The following MSN variants were observed in gnomAD, a reference collection of about 807,000 sequenced individuals.
MSN encodes the protein epididymis luminal protein 70.
In MSN, 2 loss-of-function variants were observed where a neutral mutation model predicts 48.0. The observed-to-expected ratio is 0.04, with a 90% CI of 0.02 to 0.13. MSN has a LOEUF of 0.13. Ranked by LOEUF, MSN falls within the 10% of genes least tolerant of loss-of-function variation. The pLI is 1.00. For missense variants in MSN, 267 were observed against 470.1 expected (o/e 0.57, Z 3.99); for synonymous variants, 146 against 166.9 (o/e 0.87, Z 0.97).
chrX:65,729,774 A>G, intron 4 of MSN, 62 bp downstream of exon 4: 1 of 1,111,232 alleles, frequency 9.0e-7, no homozygotes, highest in Non-Finnish European at 1.2e-6. Flanking sequence ...ACAGCTGACC[A>G]ATCCCTGCCT....
chrX:65,597,263 GGT>G (rs1199269577), intron 1 of MSN, among the ~76,000 whole-genome samples: 1 of 106,341 alleles, frequency 9.4e-6, no homozygotes, highest in Non-Finnish European at 1.9e-5. Flanking sequence ...TGCCCAGCCT[GGT>G]CTCAAACTCC....
At position 65,673,967 on chromosome X, in the gene MSN, G is replaced by C. The variant is rs192165621; in HGVS notation, c.12+6114G>C. 1.3e-3 allele frequency among the ~76,000 whole-genome samples: 140 copies of C among 111,458 alleles called. 1 individual carries two copies. Among genetic ancestry groups the C allele is most frequent in the African/African-American group, 4.3e-3 (131 of 30,635 alleles). On this transcript the variant is annotated intron_variant, in intron 1 of 12. Coordinates refer to ENST00000360270, the MANE Select transcript of MSN (RefSeq NM_002444.3). ...CTCAGTGTCTTCTCCCTCTGTGCTGGTGGTGACATGACCGTGGAGTTATGG... is the reference window on the plus strand; with the variant it reads ...CTCAGTGTCTTCTCCCTCTGTGCTGCTGGTGACATGACCGTGGAGTTATGG...
chrX:65,601,453 C>T (rs1334644747), intron 1 of MSN, among the ~76,000 whole-genome samples: 1 of 112,566 alleles, frequency 8.9e-6, no homozygotes, highest in Non-Finnish European at 1.9e-5. Context: ...AGTAGAATAA[C>T]TTTTCCGGTT....
chrX:65,603,934 A>T (rs1300904024), intron 1 of MSN, among the ~76,000 whole-genome samples: 3 of 112,291 alleles, frequency 2.7e-5, no homozygotes, highest in African/African-American at 6.5e-5. Context: ...TATTTGAGAG[A>T]TCATTGTTAT....
At chrX:65,621,096 T>TTTTTTTTTTTTGAGACGG (rs2070439671) in intron 1 of MSN, among the ~76,000 whole-genome samples, 1 of 110,351 alleles carries the variant, frequency 9.1e-6, no homozygotes, top group African/African-American at 3.3e-5. Context: ...TTTGTATTTT[T>TTTTTTTTTTTTGAGACGG]AGTAGAGATG....
chrX:65,711,249 T>C (rs754625069), intron 1 of MSN, among the ~76,000 whole-genome samples: 91 of 111,492 alleles, frequency 8.2e-4, no homozygotes, highest in African/African-American at 2.9e-3. Flanking sequence ...TTAGTAGAGG[T>C]GGGGTTTCAC....
chrX:65,619,784 CT>C (rs1405415918), intron 1 of MSN, among the ~76,000 whole-genome samples: 1 of 109,352 alleles, frequency 9.1e-6, no homozygotes, highest in Non-Finnish European at 1.9e-5. Context: ...GAGAGGTGCT[CT>C]GCTTTTTAGA....
Position 65,716,889 on chromosome X carries a change from G to A in MSN, c.84G>A (p.Gln28=). ...TCCAGCCCAACACCACCGGGAAGCA[G>A]CTATTTGACCAGGTAAGGCGGAGAC... The part of the protein sequence containing the change: ...FAIQPNTTGK[Q]LFDQVVKTIG... The change falls in exon 2 of 13, where the codon CAG becomes CAA. Residue 28 remains glutamine, a synonymous_variant. Transcript: ENST00000360270. 1.7e-6 allele frequency: 2 copies of A among 1,210,222 alleles called. No homozygotes were observed. Among genetic ancestry groups the A allele is most frequent in the South Asian group, 3.5e-5 (2 of 56,870 alleles).
At chrX:65,720,214 GGTCATGTA>G (rs780038918) in intron 2 of MSN, among the ~76,000 whole-genome samples, 6 of 112,165 alleles carry the variant, frequency 5.3e-5, no homozygotes, top group Non-Finnish European at 1.1e-4. Flanking sequence ...ACATACTCTA[GGTCATGTA>G]GTTAGTAAGT....
At chrX:65,684,443 CTTT>C (rs1300988514) in intron 1 of MSN, among the ~76,000 whole-genome samples, 1 of 100,245 alleles carries the variant, frequency 1.0e-5, no homozygotes. Flanking sequence ...TCTTTTTTTT[CTTT>C]TTTTTTTTTG....
chrX:65,697,297 G>A (rs1047367261), intron 1 of MSN, among the ~76,000 whole-genome samples: 1 of 111,728 alleles, frequency 9.0e-6, no homozygotes, highest in African/African-American at 3.3e-5. Context: ...GGTCTGCACA[G>A]TAGTGAGGCA....
intron 1 of MSN, among the ~76,000 whole-genome samples, chrX:65,704,189 G>A (rs371118365): frequency 8.9e-6 from 1 of 112,170 alleles, no homozygotes; most frequent in East Asian, 2.8e-4. Context: ...GGAAAGTGAC[G>A]CTAAAGAGTG....
chrX:65,658,756 G>C (rs1296437472), intron 1 of MSN, among the ~76,000 whole-genome samples: 2 of 111,900 alleles, frequency 1.8e-5, no homozygotes, highest in African/African-American at 6.5e-5. Flanking sequence ...ATGATTAAAA[G>C]TCCAATTTCA....
intron 1 of MSN, among the ~76,000 whole-genome samples, chrX:65,678,064 C>T (rs1378660229): frequency 1.8e-5 from 2 of 111,059 alleles, no homozygotes; most frequent in East Asian, 2.8e-4. Flanking sequence ...CAGAGGAAAC[C>T]GATGACTAAA....
chrX:65,652,896 G>A (rs2070752755), intron 1 of MSN, among the ~76,000 whole-genome samples: 1 of 111,678 alleles, frequency 9.0e-6, no homozygotes, highest in African/African-American at 3.3e-5. Flanking sequence ...TGAGGATATG[G>A]GAGAGGTGGA....
chrX:65,608,888 G>T (rs189855769), intron 1 of MSN, among the ~76,000 whole-genome samples: 1 of 110,260 alleles, frequency 9.1e-6, no homozygotes, highest in African/African-American at 3.3e-5. Flanking sequence ...CTCAAGAAAT[G>T]GTTACTACCA....
chrX:65,646,137 A>G (rs1013105251), intron 1 of MSN, among the ~76,000 whole-genome samples: 1 of 112,165 alleles, frequency 8.9e-6, no homozygotes, highest in East Asian at 2.8e-4. Context: ...TAACTGAAGC[A>G]TGAGTATATC....
chrX:65,733,413 G>T, intron 7 of MSN, 133 bp downstream of exon 7: 3 of 502,608 alleles, frequency 6.0e-6, no homozygotes, highest in Non-Finnish European at 1.0e-5. Flanking sequence ...TGCACGAACA[G>T]GAAGCACAAA....
intron 1 of MSN, among the ~76,000 whole-genome samples, chrX:65,638,800 C>G (rs763825863): frequency 8.9e-6 from 1 of 112,445 alleles, no homozygotes; most frequent in African/African-American, 3.2e-5. Context: ...GTGATCCACC[C>G]GCCTCAGCCT....
Sources: allele counts gnomAD v4.1 joint callset (sites outside exome capture counted in the v4.1 genomes callset), GRCh38; gene constraint gnomAD v4.1.1; transcripts MANE v1.5; gene names NCBI Gene and HGNC (gene_info 2026-07-23, HGNC 2026-07-21).